ATG4C: variants seen among roughly 807,000 people sequenced by gnomAD.
ATG4C encodes autophagy related 4C cysteine peptidase.
In ATG4C, 56 loss-of-function variants were observed where a neutral mutation model predicts 57.6. The observed-to-expected ratio is 0.97, with a 90% confidence interval of 0.78 to 1.21. The LOEUF (loss-of-function observed/expected upper bound fraction) is 1.21, where lower values mean the gene tolerates loss of function less well. Among genes scored for constraint, ATG4C ranks in the 50% most tolerant of loss-of-function variants. The pLI is 0.00. For synonymous variants in ATG4C, 157 were observed against 174.1 expected (o/e 0.90, Z 0.78); for missense variants, 595 against 529.8 (o/e 1.12, Z -1.21).
chr1:62,808,075 G>A (rs1295171928), intron 3 of ATG4C, among the ~76,000 whole-genome samples: 2 of 152,218 alleles, frequency 1.3e-5, no homozygotes, highest in Admixed American at 6.5e-5. Context: ...AGTGTTGAAC[G>A]TAGACTAAAA....
rs115568781 is a variant in ATG4C, at chr1:62,847,941, C to T, written c.1209+6394C>T. Among the ~76,000 whole-genome samples the T allele has an allele frequency of 2.7e-3, 404 of 152,310 alleles. 2 individuals are homozygous for T. Among genetic ancestry groups the T allele is most frequent in the African/African-American group, 9.5e-3 (393 of 41,578 alleles). On this transcript the variant is annotated intron_variant, in intron 10 of 10. Coordinates refer to ENST00000317868, the MANE Select transcript of ATG4C (RefSeq NM_032852.4). The stretch of plus-strand genomic sequence containing the variant: ...CTCTGCCTTCTTCAGACTTCAGCAT[C>T]TCTATGGAATAGTTCTATTTAACAC...
At chr1:62,821,290 T>C (rs1665474223) in intron 6 of ATG4C, 81 bp downstream of exon 6, 5 of 826,994 alleles carry the variant, frequency 6.0e-6, no homozygotes, top group Non-Finnish European at 8.9e-6. Flanking sequence ...AGTAATACTG[T>C]AAATGATTAT....
At chr1:62,860,912 A>G (rs147201738) in intron 10 of ATG4C, among the ~76,000 whole-genome samples, 2 of 152,172 alleles carry the variant, frequency 1.3e-5, no homozygotes, top group South Asian at 4.1e-4. Context: ...CCTACCAACT[A>G]CTAGCTTTAT....
chr1:62,841,296 T>C, intron 9 of ATG4C, 132 bp from the exon 10 acceptor site: 2 of 749,450 alleles, frequency 2.7e-6, no homozygotes, highest in Middle Eastern at 4.1e-4. Flanking sequence ...CTGCGTAGGA[T>C]GAACTAAAAC....
At chr1:62,814,394 A>G (rs149386008) in intron 3 of ATG4C, among the ~76,000 whole-genome samples, 67 of 152,306 alleles carry the variant, frequency 4.4e-4, no homozygotes, top group African/African-American at 1.3e-3. Context: ...GAGTTGAACA[A>G]TGAGAATACA....
At chr1:62,795,938 AT>A (rs1664447538) in intron 1 of ATG4C, among the ~76,000 whole-genome samples, 1 of 152,104 alleles carries the variant, frequency 6.6e-6, no homozygotes, top group African/African-American at 2.4e-5. Flanking sequence ...GAAGTATATT[AT>A]TTTGATGCTT....
chr1:62,850,077 G>T, intron 10 of ATG4C, among the ~76,000 whole-genome samples: 1 of 151,958 alleles, frequency 6.6e-6, no homozygotes, highest in Middle Eastern at 3.4e-3. Context: ...AGAAATTATG[G>T]TACTGAAGTA....
chr1:62,837,844 C>T (rs1023628429), intron 9 of ATG4C, among the ~76,000 whole-genome samples: 3 of 152,072 alleles, frequency 2.0e-5, no homozygotes, highest in Non-Finnish European at 4.4e-5. Flanking sequence ...CCAGTTGGAG[C>T]GTAGTGTGTA....
At chr1:62,841,385 C>T in intron 9 of ATG4C, 43 bp from the exon 10 acceptor site, 1 of 1,498,584 alleles carries the variant, frequency 6.7e-7, no homozygotes. Flanking sequence ...ATATACTTGT[C>T]TATCAAAGAT....
chr1:62,821,116 G>C, intron 5 of ATG4C, 23 bp from the exon 6 acceptor site: 1 of 1,561,324 alleles, frequency 6.4e-7, no homozygotes, highest in Non-Finnish European at 8.7e-7. Context: ...GATTTTGAAA[G>C]ATAATGCTTG....
At chr1:62,809,842 A>T (rs2100303495) in intron 3 of ATG4C, among the ~76,000 whole-genome samples, 1 of 152,060 alleles carries the variant, frequency 6.6e-6, no homozygotes, top group East Asian at 1.9e-4. Flanking sequence ...TAATGAAGGG[A>T]ATGCAAAATA....
intron 1 of ATG4C, among the ~76,000 whole-genome samples, chr1:62,785,816 G>A (rs1311021370): frequency 6.6e-6 from 1 of 151,950 alleles, no homozygotes; most frequent in African/African-American, 2.4e-5. Context: ...ATGCTGAAAT[G>A]GTTTCAGCCA....
At chr1:62,799,644 ATAG>A (rs1283135595) in intron 1 of ATG4C, among the ~76,000 whole-genome samples, 1 of 152,148 alleles carries the variant, frequency 6.6e-6, no homozygotes, top group African/African-American at 2.4e-5. Context: ...TTGTGGGTAC[ATAG>A]TAGGTGTATA....
chr1:62,842,591 T>A (rs1666206317), intron 10 of ATG4C, among the ~76,000 whole-genome samples: 1 of 152,182 alleles, frequency 6.6e-6, no homozygotes, highest in Non-Finnish European at 1.5e-5. Context: ...TTATTTCCAG[T>A]TAATTTTATT....
At chr1:62,842,578 G>A (rs943351830) in intron 10 of ATG4C, among the ~76,000 whole-genome samples, 3 of 152,036 alleles carry the variant, frequency 2.0e-5, no homozygotes, top group African/African-American at 7.2e-5. Context: ...ACTTATTACT[G>A]CTTTATTTCC....
chr1:62,806,836 C>A (rs1014085703), intron 3 of ATG4C, among the ~76,000 whole-genome samples: 2 of 152,172 alleles, frequency 1.3e-5, no homozygotes, highest in Non-Finnish European at 2.9e-5. Flanking sequence ...AAAAAAACAA[C>A]ACATTATCAT....
chr1:62,785,937 A>T (rs1368033573), intron 1 of ATG4C, among the ~76,000 whole-genome samples: 2 of 152,130 alleles, frequency 1.3e-5, no homozygotes, highest in Non-Finnish European at 2.9e-5. Flanking sequence ...TTTTCCTGAG[A>T]TTTTATTCAT....
chr1:62,826,092 AGAGACGGT>A (rs1327429306), intron 6 of ATG4C, among the ~76,000 whole-genome samples: 2 of 151,014 alleles, frequency 1.3e-5, no homozygotes, highest in Admixed American at 1.3e-4. Context: ...TATTTTTAGT[AGAGACGGT>A]GTTTCGCCAT....
chr1:62,853,276 C>T (rs1308260274), intron 10 of ATG4C, among the ~76,000 whole-genome samples: 1 of 152,120 alleles, frequency 6.6e-6, no homozygotes, highest in Non-Finnish European at 1.5e-5. Flanking sequence ...AACTCCATCA[C>T]CTAATTGCTG....
Sources: gnomAD v4.1 joint callset for allele counts (sites outside exome capture counted in the v4.1 genomes callset) on GRCh38, gnomAD v4.1.1 for gene constraint, MANE v1.5 for transcripts, NCBI Gene and HGNC (gene_info 2026-07-23, HGNC 2026-07-21) for gene names.